KCNU1: variants seen among roughly 807,000 people sequenced by gnomAD.
The protein encoded by KCNU1 is potassium calcium-activated channel subfamily U member 1.
In KCNU1, 93 loss-of-function variants were observed where a neutral mutation model predicts 126.8. The ratio of observed to expected loss-of-function variants is 0.73; its 90% confidence interval spans 0.62 to 0.87. The LOEUF is 0.87. Ranked by LOEUF, KCNU1 falls within the 40% of genes least tolerant of loss-of-function variation. KCNU1 has a pLI of 0.00. For synonymous variants in KCNU1, 523 were observed against 494.2 expected, an observed-to-expected ratio of 1.06 and a Z score of -0.77; for missense variants, 1,330 against 1,367.1, an observed-to-expected ratio of 0.97 and a Z score of 0.43.
At position 36,931,134 on chromosome 8, in the gene KCNU1, T is replaced by C. The variant is rs779670677; in HGVS notation, c.2920T>C (p.Ser974Pro). Reference sequence around the variant, plus strand: ...TCTGTCCTTACACGAAACCATTTTATCAGACGTTAATGTGAGTCTACTCTT... The same window carrying C: ...TCTGTCCTTACACGAAACCATTTTACCAGACGTTAATGTGAGTCTACTCTT... ...GLLSLHETIL[S>P]DVNPRNTFGQ... is the part of the protein sequence containing the mutation. The change falls in exon 25 of 27, where the codon TCA becomes CCA. Residue 974 changes from serine (S) to proline (P), a missense_variant. Ser to Pro is a moderately conservative substitution (Grantham distance 74, BLOSUM62 -1). This residue lies in a region of KCNU1 where 1,054 missense variants were observed against 1,053.9 expected (regional missense o/e 1.00). Coordinates refer to ENST00000399881, the MANE Select transcript of KCNU1 (RefSeq NM_001031836.3). 1 of 1,606,518 alleles carries C rather than the reference T, an allele frequency of 6.2e-7. No individual in the cohort carries two copies.
At chr8:36,915,687 C>G (rs1403092357) in intron 22 of KCNU1, among the ~76,000 whole-genome samples, 3 of 152,194 alleles carry the variant, frequency 2.0e-5, no homozygotes, top group East Asian at 1.9e-4. Context: ...TTATCACAAC[C>G]CTTCTGCCAG....
chr8:36,929,390 A>C (rs1808630643), intron 24 of KCNU1, among the ~76,000 whole-genome samples: 1 of 32,570 alleles, frequency 3.1e-5, no homozygotes, highest in Non-Finnish European at 7.5e-5. Context: ...CCTGTCTCAA[A>C]AAAAAAAAAA....
At chr8:36,930,638 C>A (rs1316296611) in intron 24 of KCNU1, among the ~76,000 whole-genome samples, 3 of 152,060 alleles carry the variant, frequency 2.0e-5, no homozygotes, top group African/African-American at 4.8e-5. Flanking sequence ...GACATGTATA[C>A]CCCCTCTGGT....
At chr8:36,866,734 T>C (rs929829466) in intron 19 of KCNU1, among the ~76,000 whole-genome samples, 1 of 152,134 alleles carries the variant, frequency 6.6e-6, no homozygotes, top group South Asian at 2.1e-4. Flanking sequence ...GCTGTCTAGA[T>C]GGGTGAACAA....
At chr8:36,823,223 A>G (rs10112854) in intron 10 of KCNU1, among the ~76,000 whole-genome samples, 8,173 of 152,218 alleles carry the variant, frequency 0.054, 766 homozygotes, top group African/African-American at 0.19. Context: ...GTACATGACC[A>G]TAAGTTACAC....
chr8:36,922,767 A>G (rs1235951788), intron 24 of KCNU1, 138 bp downstream of exon 24: 5 of 898,098 alleles, frequency 5.6e-6, no homozygotes, highest in Non-Finnish European at 8.3e-6. Context: ...TTGTTCCCAT[A>G]CATTAATTTA....
intron 7 of KCNU1, among the ~76,000 whole-genome samples, chr8:36,810,820 A>G (rs1018430930): frequency 4.6e-5 from 7 of 152,232 alleles, no homozygotes; most frequent in Non-Finnish European, 8.8e-5. Context: ...AACAATTAAG[A>G]TAATTTGCCC....
intron 19 of KCNU1, among the ~76,000 whole-genome samples, chr8:36,880,962 T>C (rs1005321151): frequency 1.3e-5 from 2 of 151,972 alleles, no homozygotes; most frequent in Non-Finnish European, 2.9e-5. Flanking sequence ...TTCTGAGTAA[T>C]GTGGATTGCT....
intron 19 of KCNU1, among the ~76,000 whole-genome samples, chr8:36,901,584 G>A (rs1157241258): frequency 1.3e-5 from 2 of 152,142 alleles, no homozygotes; most frequent in Admixed American, 6.6e-5. Context: ...TTTGCGTGCT[G>A]CTCTACACAG....
intron 10 of KCNU1, among the ~76,000 whole-genome samples, chr8:36,828,441 T>G (rs1254641705): frequency 1.3e-5 from 2 of 152,118 alleles, no homozygotes; most frequent in Non-Finnish European, 2.9e-5. Context: ...TCTCCTATGT[T>G]TTATTACCTC....
intron 9 of KCNU1, among the ~76,000 whole-genome samples, chr8:36,816,346 A>G (rs1399229112): frequency 6.6e-6 from 1 of 152,046 alleles, no homozygotes; most frequent in African/African-American, 2.4e-5. Flanking sequence ...CCCATCTAAG[A>G]CAAAAAGAAT....
intron 26 of KCNU1, among the ~76,000 whole-genome samples, chr8:36,933,665 T>A (rs1156869717): frequency 6.6e-6 from 1 of 151,736 alleles, no homozygotes; most frequent in Non-Finnish European, 1.5e-5. Context: ...CAGAAAGGAA[T>A]AGAGTGGAAA....
chr8:36,928,908 G>T (rs989196635), intron 24 of KCNU1: 2 of 634,966 alleles, frequency 3.1e-6, no homozygotes, highest in South Asian at 1.8e-5. Flanking sequence ...TGATCCAGGA[G>T]ATCTGGGATC....
At position 36,803,960 on chromosome 8, in the gene KCNU1, A is replaced by G; in HGVS notation, c.316-67A>G. ...CAGGCATGGTAAAAAGAGAAAACAC[A>G]CTTTTGTCGATTTATTTAATGCAAA... On this transcript the variant is annotated intron_variant, in intron 2 of 26. Coordinates refer to ENST00000399881, the MANE Select transcript of KCNU1 (RefSeq NM_001031836.3). 2.8e-6 allele frequency: 3 copies of G among 1,056,400 alleles called. No homozygotes were observed. In the South Asian group the frequency reaches 4.1e-5, roughly 14 times the overall value. 65.4% of individuals were successfully genotyped at this position (1,056,400 alleles called of 1,614,324 possible).
intron 21 of KCNU1, 109 bp from the exon 22 acceptor site, chr8:36,910,821 G>A: frequency 1.5e-6 from 1 of 682,238 alleles, no homozygotes; most frequent in Non-Finnish European, 2.4e-6. Context: ...AGCAAAGGTT[G>A]GAGCTCAAAG....
intron 19 of KCNU1, among the ~76,000 whole-genome samples, chr8:36,902,155 G>A (rs916466457): frequency 2.0e-5 from 3 of 151,986 alleles, no homozygotes; most frequent in African/African-American, 7.3e-5. Flanking sequence ...TGATGAAGTG[G>A]GTTTCCTCCA....
Position 36,935,677 on chromosome 8 carries a change from T to G in KCNU1, c.3207T>G (p.His1069Gln), listed in dbSNP as rs368345465. 1 of 1,613,444 alleles carries G rather than the reference T, an allele frequency of 6.2e-7. No individual in the cohort carries two copies. The part of the protein sequence containing the change: ...VNKASQTTET[H>Q]SDTNCPPTID... Reference sequence around the variant, plus strand: ...AAGCATCACAGACAACAGAGACACATTCAGACACAAATTGTCCTCCCACCA... The same window carrying G: ...AAGCATCACAGACAACAGAGACACAGTCAGACACAAATTGTCCTCCCACCA... Residue 1069 changes from histidine to glutamine, a missense_variant, in exon 27 of 27, where the codon CAT (histidine) becomes CAG (glutamine). His to Gln is a conservative substitution (Grantham distance 24). Transcript: ENST00000399881.
intron 9 of KCNU1, 139 bp from the exon 10 acceptor site, chr8:36,817,499 CAAAAAAAAAAAA>C (rs375306964): frequency 4.6e-6 from 1 of 218,546 alleles, no homozygotes; most frequent in Non-Finnish European, 7.7e-6. Context: ...AACTCCATCT[CAAAAAAAAAAAA>C]AAAAAAAAAA....
chr8:36,859,827 C>T (rs1475364753), intron 18 of KCNU1, among the ~76,000 whole-genome samples: 1 of 152,024 alleles, frequency 6.6e-6, no homozygotes, highest in Admixed American at 6.6e-5. Context: ...TTGACAATAA[C>T]ATTGCATATC....
Sources: gnomAD v4.1 joint callset for allele counts (sites outside exome capture counted in the v4.1 genomes callset) on GRCh38, gnomAD v4.1.1 for gene constraint, gnomAD v4.1.1 regional missense constraint, MANE v1.5 for transcripts, NCBI Gene and HGNC (gene_info 2026-07-23, HGNC 2026-07-21) for gene names.